Variants in ARHGAP8 observed in about 807,000 individuals in gnomAD.
The protein encoded by ARHGAP8 is Rho GTPase activating protein 8.
In ARHGAP8, 62 loss-of-function variants were observed where a neutral mutation model predicts 46.1. The observed-to-expected ratio is 1.34, with a 90% CI of 1.10 to 1.66. ARHGAP8 has a LOEUF of 1.66. Among genes scored for constraint, ARHGAP8 ranks in the 40% most tolerant of loss-of-function variants. The pLI, the probability that ARHGAP8 is intolerant of heterozygous loss-of-function variation, is 0.00. For synonymous variants in ARHGAP8, 375 were observed against 243.1 expected, an observed-to-expected ratio of 1.54 and a Z score of -5.05; for missense variants, 923 against 568.4, an observed-to-expected ratio of 1.62 and a Z score of -6.34.
intron 5 of ARHGAP8, among the ~76,000 whole-genome samples, chr22:44,816,393 C>T (rs1929744504): frequency 6.6e-6 from 1 of 152,120 alleles, no homozygotes; most frequent in Non-Finnish European, 1.5e-5. Context: ...CCTGTCTTCC[C>T]ACCAGCCGTC....
intron 4 of ARHGAP8, chr22:44,809,433 T>G: frequency 2.8e-6 from 1 of 351,714 alleles, no homozygotes; most frequent in Non-Finnish European, 5.6e-6. Context: ...GACCGTTTCT[T>G]CACTAAAGCC....
chr22:44,797,792 G>C (rs62232212), intron 2 of ARHGAP8, among the ~76,000 whole-genome samples: 2,119 of 152,170 alleles, frequency 0.014, 24 homozygotes, highest in Middle Eastern at 0.027. Context: ...ATGTGAGTAC[G>C]TGTGTGCACG....
At chr22:44,846,222 C>T (rs1057000285) in intron 8 of ARHGAP8, among the ~76,000 whole-genome samples, 2 of 152,206 alleles carry the variant, frequency 1.3e-5, no homozygotes, top group Admixed American at 6.5e-5. Context: ...TTCCATCTGG[C>T]GGGGAGTTCC....
intron 1 of ARHGAP8, among the ~76,000 whole-genome samples, chr22:44,784,099 T>C (rs918956042): frequency 2.6e-5 from 4 of 151,294 alleles, no homozygotes; most frequent in Non-Finnish European, 4.4e-5. Context: ...ACCATGCAAA[T>C]TAAAAATAAA....
intron 3 of ARHGAP8, among the ~76,000 whole-genome samples, chr22:44,806,807 A>T (rs930239624): frequency 4.0e-5 from 6 of 151,794 alleles, no homozygotes; most frequent in African/African-American, 9.7e-5. Flanking sequence ...AATAGTAATT[A>T]AAAAAAATTA....
intron 7 of ARHGAP8, among the ~76,000 whole-genome samples, chr22:44,841,402 C>T (rs1931644770): frequency 6.6e-6 from 1 of 152,198 alleles, no homozygotes; most frequent in African/African-American, 2.4e-5. Context: ...GCCCATGTGA[C>T]AGGAGAGGAA....
chr22:44,845,124 T>A, intron 7 of ARHGAP8, 145 bp from the exon 8 acceptor site: 1 of 910,740 alleles, frequency 1.1e-6, no homozygotes. Context: ...TTCTACTTCC[T>A]GAGGGCTGAG....
chr22:44,857,790 C>T (rs949102518), intron 10 of ARHGAP8, among the ~76,000 whole-genome samples: 3 of 149,696 alleles, frequency 2.0e-5, no homozygotes, highest in Non-Finnish European at 3.0e-5. Flanking sequence ...AGTCACCTAA[C>T]CTCTCAGAGC....
In ARHGAP8 at chr22:44,859,888, G is replaced by C. The variant is rs940136395; in HGVS notation, c.981+54G>C. On this transcript the variant is annotated intron_variant, in intron 11 of 11. Coordinates refer to ENST00000356099, the MANE Select transcript of ARHGAP8 (RefSeq NM_181335.3). Reference sequence around the variant, plus strand: ...GAAGCCCAGTGGCCTTCCCTCCCATGCTGGGCCCGCATGGACCAGTCCCCT... The same window carrying C: ...GAAGCCCAGTGGCCTTCCCTCCCATCCTGGGCCCGCATGGACCAGTCCCCT... 8 of 1,590,964 alleles carry C rather than the reference G, an allele frequency of 5.0e-6. No homozygotes were observed. The South Asian group carries it at 6.8e-5, about 13-fold the overall frequency.
intron 4 of ARHGAP8, among the ~76,000 whole-genome samples, chr22:44,813,709 C>G (rs901643288): frequency 6.1e-5 from 9 of 148,640 alleles, no homozygotes; most frequent in African/African-American, 2.2e-4. Flanking sequence ...GTAGGTACAC[C>G]TACACACACT....
chr22:44,824,884 C>T (rs1223578638), intron 6 of ARHGAP8, among the ~76,000 whole-genome samples: 12 of 151,946 alleles, frequency 7.9e-5, no homozygotes, highest in Admixed American at 4.6e-4. Context: ...CCACCTGCCT[C>T]GGCCTCCCAA....
intron 10 of ARHGAP8, among the ~76,000 whole-genome samples, chr22:44,857,217 G>A (rs1250811778): frequency 1.3e-5 from 2 of 151,498 alleles, no homozygotes; most frequent in Admixed American, 1.3e-4. Context: ...TGGTATTATA[G>A]GTGTGAGCCA....
intron 11 of ARHGAP8, 41 bp downstream of exon 11, chr22:44,859,875 C>G (rs1158159211): frequency 6.2e-7 from 1 of 1,602,352 alleles, no homozygotes; most frequent in Non-Finnish European, 8.5e-7. Context: ...AGCCCAGTGG[C>G]CTTCCCTCCC....
chr22:44,862,366 CCT>C lies in ARHGAP8; in HGVS notation c.1075_1076del (p.Ser359ProfsTer12), dbSNP rs774321244. 6.2e-7 allele frequency: 1 copy of C among 1,614,124 alleles called. No individual in the cohort carries two copies. The highest frequency in any genetic ancestry group is 8.5e-7 in the Non-Finnish European group (1 of 1,179,990). On this transcript the variant is annotated frameshift_variant, in exon 12 of 12. Transcript: ENST00000356099. LOFTEE classifies it low-confidence loss of function (END_TRUNC). ...TTGATCTGGCCATCCCAGGGGGTCT[CCT>C]CCCTGAGTGCCCTTGTGCCCCTGAA...
At chr22:44,775,550 C>A (rs572794138) in intron 1 of ARHGAP8, among the ~76,000 whole-genome samples, 2 of 151,920 alleles carry the variant, frequency 1.3e-5, no homozygotes, top group Non-Finnish European at 2.9e-5. Context: ...CGGGTTCAAG[C>A]GATTCTCCTG....
intron 2 of ARHGAP8, among the ~76,000 whole-genome samples, chr22:44,793,419 G>A (rs5766029): frequency 0.19 from 29,003 of 152,092 alleles, 3,015 homozygotes; most frequent in East Asian, 0.45. Context: ...CCCTGGGTTC[G>A]GATCTTTTGG....
At chr22:44,753,196 T>C (rs1405415069) in intron 1 of ARHGAP8, among the ~76,000 whole-genome samples, 1 of 150,326 alleles carries the variant, frequency 6.7e-6, no homozygotes, top group Admixed American at 6.6e-5. Flanking sequence ...CACACAGCGG[T>C]GGAACCCCCC....
intron 2 of ARHGAP8, among the ~76,000 whole-genome samples, chr22:44,797,468 G>T (rs1005913651): frequency 5.9e-5 from 9 of 152,146 alleles, no homozygotes; most frequent in African/African-American, 2.2e-4. Context: ...AAGATTTTGT[G>T]CCTGAAAACT....
At chr22:44,848,168 A>C (rs2147165673) in intron 9 of ARHGAP8, 118 bp downstream of exon 9, 1 of 1,406,038 alleles carries the variant, frequency 7.1e-7, no homozygotes, top group Non-Finnish European at 9.7e-7. Context: ...CTCCCAGAAA[A>C]CACTCAGGGT....
Sources: gnomAD v4.1 joint callset for allele counts (sites outside exome capture counted in the v4.1 genomes callset) on GRCh38, gnomAD v4.1.1 for gene constraint, MANE v1.5 for transcripts, NCBI Gene and HGNC (gene_info 2026-07-23, HGNC 2026-07-21) for gene names.